The following IQCM variants were observed in gnomAD, a reference collection of about 807,000 sequenced individuals.
The protein encoded by IQCM is IQ motif containing M.
Under a neutral mutation model 57.6 loss-of-function variants are expected in IQCM, and 45 were observed. That is an observed-to-expected ratio of 0.78 (90% CI 0.62 to 1.00). The LOEUF is 1.00. Among genes scored for constraint, IQCM ranks in the 50% least tolerant of loss-of-function variants. The probability of loss-of-function intolerance (pLI) is 0.00; values close to 1 mark genes in which losing one functional copy is unlikely to be tolerated. For synonymous variants in IQCM, 148 were observed against 158.9 expected, an observed-to-expected ratio of 0.93 and a Z score of 0.51; for missense variants, 468 against 511.6, an observed-to-expected ratio of 0.91 and a Z score of 0.82.
At chr4:149,468,746 C>A (rs1247684212) in intron 12 of IQCM, among the ~76,000 whole-genome samples, 1 of 152,172 alleles carries the variant, frequency 6.6e-6, no homozygotes, top group Non-Finnish European at 1.5e-5. Flanking sequence ...ACTGACACCT[C>A]ATACAGCCAG....
At chr4:149,775,525 T>C (rs1406511021) in intron 2 of IQCM, among the ~76,000 whole-genome samples, 1 of 152,224 alleles carries the variant, frequency 6.6e-6, no homozygotes, top group Non-Finnish European at 1.5e-5. Flanking sequence ...TATAATGTTC[T>C]TTTCTATAGT....
At chr4:149,584,578 T>C (rs535746490) in intron 9 of IQCM, among the ~76,000 whole-genome samples, 12 of 151,814 alleles carry the variant, frequency 7.9e-5, no homozygotes, top group African/African-American at 2.7e-4. Flanking sequence ...AAATTCATTC[T>C]AAATGTGTGA....
intron 8 of IQCM, among the ~76,000 whole-genome samples, chr4:149,603,218 A>G (rs1407703086): frequency 6.6e-6 from 1 of 152,104 alleles, no homozygotes; most frequent in East Asian, 1.9e-4. Context: ...TATTTTGCTC[A>G]TCTGAGTTTT....
intron 13 of IQCM, among the ~76,000 whole-genome samples, chr4:149,427,377 A>C (rs990958021): frequency 1.3e-5 from 2 of 151,986 alleles, no homozygotes; most frequent in South Asian, 4.1e-4. Context: ...TGAGTGGTGG[A>C]TTGTTGTAAA....
rs73857721 is a variant in IQCM, at chr4:149,734,013, T to G, written c.121-505A>C. On this transcript the variant is annotated intron_variant, in intron 4 of 13. Transcript: ENST00000636793. ...AGCATACTGGTAATACAACATACAT[T>G]TCATATCCTTTAATCATAATTGCTT... Among the ~76,000 whole-genome samples the G allele has an allele frequency of 8.9e-3, 1,361 of 152,094 alleles. 9 individuals are homozygous for G. Among genetic ancestry groups the G allele is most frequent in the African/African-American group, 0.03 (1,260 of 41,478 alleles).
At chr4:149,659,845 G>C (rs919014526) in intron 7 of IQCM, among the ~76,000 whole-genome samples, 61 of 151,706 alleles carry the variant, frequency 4.0e-4, no homozygotes, top group Non-Finnish European at 8.4e-4. Flanking sequence ...ATGGATTAAA[G>C]ACTTAAACGT....
intron 12 of IQCM, among the ~76,000 whole-genome samples, chr4:149,537,237 A>T (rs1747385071): frequency 6.6e-6 from 1 of 151,928 alleles, no homozygotes; most frequent in Non-Finnish European, 1.5e-5. Flanking sequence ...GAAAAATGTG[A>T]TAATATTAAA....
At chr4:149,509,273 T>A (rs1312117553) in intron 12 of IQCM, among the ~76,000 whole-genome samples, 2 of 151,962 alleles carry the variant, frequency 1.3e-5, no homozygotes, top group African/African-American at 4.8e-5. Flanking sequence ...TGACTTTTTC[T>A]TTTTTCTTTT....
intron 8 of IQCM, among the ~76,000 whole-genome samples, chr4:149,599,221 G>T (rs2150028083): frequency 6.6e-6 from 1 of 152,158 alleles, no homozygotes; most frequent in Admixed American, 6.5e-5. Context: ...TATTCAATGG[G>T]ATGTTGTGCA....
chr4:149,712,563 A>C (rs1764651565), intron 5 of IQCM, among the ~76,000 whole-genome samples: 1 of 152,176 alleles, frequency 6.6e-6, no homozygotes, highest in South Asian at 2.1e-4. Flanking sequence ...TAAAATTCTC[A>C]AGAAGCCTAC....
chr4:149,429,309 A>C (rs1040511286), intron 13 of IQCM, among the ~76,000 whole-genome samples: 3 of 151,926 alleles, frequency 2.0e-5, no homozygotes, highest in Admixed American at 1.3e-4. Context: ...CTTTCCAAAA[A>C]TAAGTGTGAC....
At chr4:149,472,326 A>G (rs1739660317) in intron 12 of IQCM, among the ~76,000 whole-genome samples, 1 of 152,140 alleles carries the variant, frequency 6.6e-6, no homozygotes. Flanking sequence ...ATACACCAAT[A>G]ACAGACAGAC....
intron 10 of IQCM, among the ~76,000 whole-genome samples, chr4:149,562,218 C>T (rs1184395818): frequency 6.6e-6 from 1 of 152,122 alleles, no homozygotes; most frequent in Non-Finnish European, 1.5e-5. Flanking sequence ...AAATATGGCA[C>T]ATGGCAGATA....
At chr4:149,519,980 G>A (rs1326434340) in intron 12 of IQCM, among the ~76,000 whole-genome samples, 2 of 152,090 alleles carry the variant, frequency 1.3e-5, no homozygotes. Context: ...ACTCCAGCCT[G>A]GGAGACACAG....
intron 5 of IQCM, among the ~76,000 whole-genome samples, chr4:149,691,549 T>C (rs921588750): frequency 2.6e-4 from 40 of 152,214 alleles, no homozygotes; most frequent in Non-Finnish European, 4.9e-4. Context: ...AATCTGGAGA[T>C]ATAAAGAGTG....
chr4:149,490,507 G>A (rs1741983458), intron 12 of IQCM, among the ~76,000 whole-genome samples: 1 of 151,960 alleles, frequency 6.6e-6, no homozygotes, highest in Non-Finnish European at 1.5e-5. Context: ...CATACTATGA[G>A]CCAAATCAGG....
At chr4:149,592,377 A>G (rs1448067795) in intron 8 of IQCM, among the ~76,000 whole-genome samples, 3 of 152,078 alleles carry the variant, frequency 2.0e-5, no homozygotes, top group African/African-American at 7.2e-5. Flanking sequence ...AGATGGGTAG[A>G]TTGCAAAACT....
chr4:149,576,812 C>A (rs1751704630), intron 9 of IQCM, among the ~76,000 whole-genome samples: 1 of 151,892 alleles, frequency 6.6e-6, no homozygotes, highest in Admixed American at 6.6e-5. Context: ...GAGAAATCTC[C>A]AAACTGCTTT....
chr4:149,601,970 C>T (rs560939426), intron 8 of IQCM, among the ~76,000 whole-genome samples: 2 of 143,602 alleles, frequency 1.4e-5, no homozygotes, highest in African/African-American at 2.6e-5. Context: ...GGGAGAATGG[C>T]GTGAACCCGG....
Sources: gnomAD v4.1 joint callset for allele counts (sites outside exome capture counted in the v4.1 genomes callset) on GRCh38, gnomAD v4.1.1 for gene constraint, MANE v1.5 for transcripts, NCBI Gene and HGNC (gene_info 2026-07-23, HGNC 2026-07-21) for gene names.